The following RBFOX1 variants were observed in gnomAD, a reference collection of about 807,000 sequenced individuals.
RBFOX1 encodes RNA binding fox-1 homolog 1, also known as RNA binding protein fox-1 homolog 1.
A neutral mutation model predicts 57.7 loss-of-function variants in RBFOX1; 8 were observed. That is an observed-to-expected ratio of 0.14 (90% CI 0.08 to 0.25). RBFOX1 has a LOEUF of 0.25. RBFOX1 is among the 10% of genes least tolerant of loss of function. RBFOX1 has a pLI of 1.00. For synonymous variants in RBFOX1, 326 were observed against 222.4 expected (o/e 1.47, Z -4.15); for missense variants, 611 against 548.5 (o/e 1.11, Z -1.14).
chr16:6,355,772 T>G (rs942314031), intron 2 of RBFOX1, among the ~76,000 whole-genome samples: 19 of 152,330 alleles, frequency 1.2e-4, no homozygotes, highest in African/African-American at 4.6e-4. Context: ...GAGTTCCTAT[T>G]TCTCCACATC....
chr16:5,508,628 G>A (rs957084268), intron 2 of RBFOX1, among the ~76,000 whole-genome samples: 6 of 151,860 alleles, frequency 4.0e-5, no homozygotes, highest in Non-Finnish European at 1.5e-5. Flanking sequence ...TGGGGGTGGG[G>A]GGACTGCACA....
At chr16:5,309,291 C>G (rs142490365) in intron 1 of RBFOX1, among the ~76,000 whole-genome samples, 455 of 152,202 alleles carry the variant, frequency 3.0e-3, no homozygotes, top group Non-Finnish European at 5.4e-3. Flanking sequence ...GTTGCTATCT[C>G]TCTTTCTCTC....
intron 1 of RBFOX1, among the ~76,000 whole-genome samples, chr16:6,193,396 A>ATATATATATATATATATATATAC (rs2097157536): frequency 9.4e-5 from 3 of 31,796 alleles, no homozygotes; most frequent in Non-Finnish European, 2.1e-4. Flanking sequence ...TATATACTAT[A>ATATATATATATATATATATATAC]TATATATATA....
chr16:6,865,656 A>T (rs150685700), intron 3 of RBFOX1, among the ~76,000 whole-genome samples: 15 of 152,330 alleles, frequency 9.8e-5, no homozygotes, highest in African/African-American at 3.6e-4. Context: ...ACGTGTGATG[A>T]CAACGTAGTA....
At chr16:7,286,274 A>G (rs754385026) in intron 4 of RBFOX1, among the ~76,000 whole-genome samples, 7 of 152,124 alleles carry the variant, frequency 4.6e-5, no homozygotes, top group Non-Finnish European at 8.8e-5. Flanking sequence ...TGAAGGTGAC[A>G]TGAGGAAATT....
chr16:7,508,899 C>T (rs2074217774), intron 4 of RBFOX1, among the ~76,000 whole-genome samples: 1 of 152,206 alleles, frequency 6.6e-6, no homozygotes, highest in South Asian at 2.1e-4. Context: ...TGATAAGCAG[C>T]TATCTGTAGG....
chr16:7,381,897 A>G (rs566241287), intron 4 of RBFOX1, among the ~76,000 whole-genome samples: 6 of 152,274 alleles, frequency 3.9e-5, no homozygotes, highest in African/African-American at 1.2e-4. Context: ...CTAAATGCCA[A>G]CTGTAGTTCT....
At chr16:7,242,228 A>T (rs1017329289) in intron 4 of RBFOX1, among the ~76,000 whole-genome samples, 6 of 152,312 alleles carry the variant, frequency 3.9e-5, no homozygotes, top group African/African-American at 7.2e-5. Context: ...TTTATCCCCA[A>T]AGGACTGACA....
At chr16:5,592,418 CT>C (rs1325474693) in intron 2 of RBFOX1, among the ~76,000 whole-genome samples, 2,988 of 141,346 alleles carry the variant, frequency 0.021, 78 homozygotes, top group African/African-American at 0.068. Context: ...TTATAAAAAT[CT>C]TTTTTTTTTT....
intron 4 of RBFOX1, among the ~76,000 whole-genome samples, chr16:5,897,181 G>C (rs757313068): frequency 6.6e-6 from 1 of 151,854 alleles, no homozygotes; most frequent in African/African-American, 2.4e-5. Context: ...GACTACAGGC[G>C]CCCGCCACCG....
chr16:7,100,339 A>C (rs1162724276), intron 4 of RBFOX1, among the ~76,000 whole-genome samples: 1 of 152,094 alleles, frequency 6.6e-6, no homozygotes, highest in Non-Finnish European at 1.5e-5. Context: ...ATTATGAAAA[A>C]ATTTGCTATA....
chr16:7,655,244 G>C (rs1438806531), intron 12 of RBFOX1, among the ~76,000 whole-genome samples: 1 of 152,184 alleles, frequency 6.6e-6, no homozygotes, highest in African/African-American at 2.4e-5. Context: ...AAAGAAATGA[G>C]AGTAGGTAAA....
chr16:7,553,122 C>T (rs945858116), intron 5 of RBFOX1, among the ~76,000 whole-genome samples: 2 of 152,032 alleles, frequency 1.3e-5, no homozygotes, highest in African/African-American at 4.8e-5. Context: ...AAAAAATTTT[C>T]CAGTTTCCAC....
intron 4 of RBFOX1, among the ~76,000 whole-genome samples, chr16:7,060,558 T>C (rs1358548141): frequency 2.0e-5 from 3 of 152,214 alleles, no homozygotes; most frequent in Non-Finnish European, 2.9e-5. Flanking sequence ...AAGAACAGAA[T>C]AGCTACAATT....
intron 4 of RBFOX1, among the ~76,000 whole-genome samples, chr16:7,315,330 T>C (rs1417532724): frequency 6.6e-6 from 1 of 152,080 alleles, no homozygotes. Flanking sequence ...TAGGAAATGC[T>C]CTTGAGTTAA....
chr16:7,452,572 G>A (rs1218619465), intron 4 of RBFOX1, among the ~76,000 whole-genome samples: 1 of 152,206 alleles, frequency 6.6e-6, no homozygotes, highest in Non-Finnish European at 1.5e-5. Flanking sequence ...GTGGAAAGGT[G>A]TGGATTGATA....
Position 5,598,237 on chromosome 16 carries a change from T to A in RBFOX1, c.259-665T>A, listed in dbSNP as rs866054414. Among the ~76,000 whole-genome samples the A allele has an allele frequency of 9.1e-3, 1,323 of 144,660 alleles. 9 individuals are homozygous for A. The highest frequency in any genetic ancestry group is 0.018 in the Middle Eastern group (5 of 282). 94.9% of individuals were successfully genotyped at this position (144,660 alleles called of 152,430 possible). ...AGACTCTGTCTCAAAAAAAAAAAAATAAATAAAAAAAGTAGTGCATAGCAT... is the reference window on the plus strand; with the variant it reads ...AGACTCTGTCTCAAAAAAAAAAAAAAAAATAAAAAAAGTAGTGCATAGCAT... On this transcript the variant is annotated intron_variant, in intron 2 of 2. Transcript: ENST00000585867.
intron 1 of RBFOX1, among the ~76,000 whole-genome samples, chr16:6,051,644 A>C (rs557901974): frequency 6.6e-6 from 1 of 152,038 alleles, no homozygotes; most frequent in Non-Finnish European, 1.5e-5. Flanking sequence ...GCTCATGGCA[A>C]CCTCTGCCTC....
chr16:6,813,281 A>G (rs1275720938), intron 3 of RBFOX1, among the ~76,000 whole-genome samples: 1 of 152,128 alleles, frequency 6.6e-6, no homozygotes, highest in Non-Finnish European at 1.5e-5. Flanking sequence ...CAGTCCTCAA[A>G]ACAGCCATAT....
Sources: gnomAD v4.1 joint callset for allele counts (sites outside exome capture counted in the v4.1 genomes callset) on GRCh38, gnomAD v4.1.1 for gene constraint, MANE v1.5 for transcripts, NCBI Gene and HGNC (gene_info 2026-07-23, HGNC 2026-07-21) for gene names.